The following ANXA4 variants were observed in gnomAD, a reference collection of about 807,000 sequenced individuals.
ANXA4 encodes the protein 35-beta calcimedin.
In ANXA4, 39 loss-of-function variants were observed where a neutral mutation model predicts 49.8. The ratio of observed to expected loss-of-function variants is 0.78; its 90% CI spans 0.61 to 1.02. ANXA4 has a LOEUF of 1.02. Among genes scored for constraint, ANXA4 ranks in the 50% least tolerant of loss-of-function variants. The pLI is 0.00. For synonymous variants in ANXA4, 134 were observed against 152.5 expected, an observed-to-expected ratio of 0.88 and a Z score of 0.89; for missense variants, 360 against 410.1, an observed-to-expected ratio of 0.88 and a Z score of 1.05.
At chr2:69,821,735 A>AGCAC (rs1248236535) in intron 12 of ANXA4, among the ~76,000 whole-genome samples, 1 of 152,128 alleles carries the variant, frequency 6.6e-6, no homozygotes, top group Non-Finnish European at 1.5e-5. Context: ...TACAGGTGTG[A>AGCAC]GCCACCATGC....
intron 2 of ANXA4, among the ~76,000 whole-genome samples, chr2:69,680,004 A>G (rs945114266): frequency 8.5e-5 from 13 of 152,258 alleles, no homozygotes; most frequent in African/African-American, 2.6e-4. Flanking sequence ...TTTTGATTCT[A>G]CATGAATTTT....
At chr2:69,744,619 C>T (rs1253514012) in intron 1 of ANXA4, among the ~76,000 whole-genome samples, 1 of 152,196 alleles carries the variant, frequency 6.6e-6, no homozygotes, top group Non-Finnish European at 1.5e-5. Context: ...TTGAGTAACA[C>T]TCATCCTAGG....
Position 69,657,890 on chromosome 2 carries a change from G to A in ANXA4, n.766+4608G>A, listed in dbSNP as rs149401202. Among the ~76,000 whole-genome samples, 481 of 152,166 alleles carry A rather than the reference G, an allele frequency of 3.2e-3. 1 individual carries two copies. Among genetic ancestry groups the A allele is most frequent in the African/African-American group, 0.011 (462 of 41,554 alleles). ...TGTTCACTAATTCTATCAATTCCAT[G>A]CCTATTTAAAAATTTTTTATAGATA... On this transcript the variant is annotated intron_variant and non_coding_transcript_variant, in intron 2 of 3. Coordinates refer to the ANXA4 transcript ENST00000418066.
At chr2:69,739,184 CT>C (rs1169660966), upstream of ANXA4, among the ~76,000 whole-genome samples, 1 of 152,190 alleles carries the variant, frequency 6.6e-6, no homozygotes, top group Non-Finnish European at 1.5e-5. Flanking sequence ...TACACACCCA[CT>C]TTCAGACACA....
chr2:69,732,509 A>C (rs1046915014), intron 3 of ANXA4, among the ~76,000 whole-genome samples: 1 of 151,988 alleles, frequency 6.6e-6, no homozygotes, highest in Admixed American at 6.5e-5. Flanking sequence ...CTGTAATCCC[A>C]GCACTTTGGG....
chr2:69,676,634 C>A (rs1346238744), intron 2 of ANXA4, among the ~76,000 whole-genome samples: 3 of 152,170 alleles, frequency 2.0e-5, no homozygotes, highest in African/African-American at 7.2e-5. Flanking sequence ...GTGGCGCACA[C>A]CTATAATCCC....
chr2:69,792,748 A>G (rs1048151230), intron 3 of ANXA4, among the ~76,000 whole-genome samples: 2 of 152,146 alleles, frequency 1.3e-5, no homozygotes, highest in African/African-American at 4.8e-5. Context: ...ATGTAATTCC[A>G]TGTTCAGTAG....
At chr2:69,668,505 G>T (rs1240721195) in intron 2 of ANXA4, among the ~76,000 whole-genome samples, 1 of 152,258 alleles carries the variant, frequency 6.6e-6, no homozygotes, top group South Asian at 2.1e-4. Flanking sequence ...AATCACTCTT[G>T]AGATACAGTC....
intron 2 of ANXA4, among the ~76,000 whole-genome samples, chr2:69,693,600 G>A (rs1185050011): frequency 3.3e-5 from 5 of 152,146 alleles, no homozygotes; most frequent in African/African-American, 1.2e-4. Context: ...CTGCCTGCAG[G>A]TCCCCAAGGA....
chr2:69,746,149 T>C (rs941261402), intron 1 of ANXA4, among the ~76,000 whole-genome samples: 5 of 152,016 alleles, frequency 3.3e-5, no homozygotes, highest in African/African-American at 1.2e-4. Context: ...GTAGCTGGGA[T>C]TACAGGCACA....
chr2:69,751,832 G>A (rs1335200625), intron 1 of ANXA4, among the ~76,000 whole-genome samples: 1 of 152,156 alleles, frequency 6.6e-6, no homozygotes, highest in African/African-American at 2.4e-5. Context: ...TCAAGAGGTA[G>A]GCAGGAGGTC....
At chr2:69,821,166 C>T (rs2103895828) in intron 12 of ANXA4, among the ~76,000 whole-genome samples, 1 of 152,296 alleles carries the variant, frequency 6.6e-6, no homozygotes, top group East Asian at 1.9e-4. Context: ...CTGAGGTCTG[C>T]TGGGAATATG....
chr2:69,814,072 C>A (rs1673839354), intron 8 of ANXA4, among the ~76,000 whole-genome samples: 2 of 151,822 alleles, frequency 1.3e-5, no homozygotes, highest in Admixed American at 6.6e-5. Flanking sequence ...ACCCAGTATT[C>A]TTAACCAATA....
At chr2:69,684,841 T>C (rs1379581190) in intron 2 of ANXA4, among the ~76,000 whole-genome samples, 2 of 152,040 alleles carry the variant, frequency 1.3e-5, no homozygotes, top group Middle Eastern at 3.2e-3. Flanking sequence ...ATGTTATCAG[T>C]AAGGTGAGGA....
intron 2 of ANXA4, among the ~76,000 whole-genome samples, chr2:69,704,546 G>A (rs1177417312): frequency 6.6e-6 from 1 of 152,192 alleles, no homozygotes; most frequent in African/African-American, 2.4e-5. Context: ...TCTGGTAGTT[G>A]GTTCTGTGTC....
intron 9 of ANXA4, chr2:69,816,847 A>G (rs150167783): frequency 6.6e-6 from 1 of 152,394 alleles, no homozygotes; most frequent in East Asian, 1.9e-4. Flanking sequence ...TAAGTACATT[A>G]TAATTTTATA....
intron 1 of ANXA4, among the ~76,000 whole-genome samples, chr2:69,756,238 A>C (rs778230916): frequency 1.3e-5 from 2 of 152,204 alleles, no homozygotes; most frequent in African/African-American, 4.8e-5. Context: ...GCTTTCTTTA[A>C]TTGAATCCTA....
chr2:69,811,612 C>G (rs901695286), intron 7 of ANXA4, among the ~76,000 whole-genome samples: 3 of 152,218 alleles, frequency 2.0e-5, no homozygotes, highest in Non-Finnish European at 4.4e-5. Context: ...GCTTGAGACT[C>G]TCATTTCACA....
intron 2 of ANXA4, among the ~76,000 whole-genome samples, chr2:69,720,312 C>T (rs556725966): frequency 6.6e-6 from 1 of 152,366 alleles, no homozygotes; most frequent in South Asian, 2.1e-4. Flanking sequence ...CCTCCTCTCG[C>T]TCCATCAGTG....
Sources: gnomAD v4.1 joint callset for allele counts (sites outside exome capture counted in the v4.1 genomes callset) on GRCh38, gnomAD v4.1.1 for gene constraint, MANE v1.5 for transcripts, NCBI Gene and HGNC (gene_info 2026-07-23, HGNC 2026-07-21) for gene names.